Variants in FLRT2 observed in about 807,000 individuals in gnomAD.
The protein encoded by FLRT2 is fibronectin leucine rich transmembrane protein 2.
FLRT2 carries 15 observed loss-of-function variants against 40.0 expected under a neutral mutation model. The observed-to-expected ratio is 0.38, with a 90% CI of 0.25 to 0.58. The LOEUF (loss-of-function observed/expected upper bound fraction) is 0.58. FLRT2 is among the 20% of genes least tolerant of loss of function. The pLI, the probability that FLRT2 is intolerant of heterozygous loss-of-function variation, is 0.71. For synonymous variants in FLRT2, 380 were observed against 336.8 expected, an observed-to-expected ratio of 1.13 and a Z score of -1.41; for missense variants, 726 against 840.0, an observed-to-expected ratio of 0.86 and a Z score of 1.68.
rs777132792 is a variant in FLRT2, at chr14:85,652,024, T to C, written c.*28527T>C. 1 of 151,888 alleles carries C rather than the reference T, an allele frequency of 6.6e-6. No individual in the cohort carries two copies. Among genetic ancestry groups the C allele is most frequent in the Non-Finnish European group, 1.5e-5 (1 of 67,926 alleles). 9.4% of individuals were successfully genotyped at this position (151,888 alleles called of 1,614,324 possible). A position where few individuals can be genotyped will look rare whatever the true frequency, so the allele number is the denominator to read the frequency against. On this transcript the variant is annotated 3_prime_UTR_variant, in exon 2 of 2. Coordinates refer to ENST00000330753, the MANE Select transcript of FLRT2 (RefSeq NM_013231.6). ...TAAAACATGGGACTCAAAACAACAC[T>C]AGGAAAATAGCGTAGATCAGATAAT... is the stretch of plus-strand genomic sequence containing the variant.
At chr14:85,554,253 T>C (rs1889820719) in intron 1 of FLRT2, among the ~76,000 whole-genome samples, 1 of 152,174 alleles carries the variant, frequency 6.6e-6, no homozygotes, top group Admixed American at 6.5e-5. Context: ...GTTTAAATGG[T>C]CTTCCTAAGG....
chr14:85,596,078 T>C (rs1471605145), intron 1 of FLRT2, among the ~76,000 whole-genome samples: 1 of 152,156 alleles, frequency 6.6e-6, no homozygotes, highest in African/African-American at 2.4e-5. Flanking sequence ...ACGGTTCACT[T>C]TTTGACCGTC....
At chr14:85,575,662 C>G (rs1891100457) in intron 1 of FLRT2, among the ~76,000 whole-genome samples, 1 of 151,940 alleles carries the variant, frequency 6.6e-6, no homozygotes, top group Non-Finnish European at 1.5e-5. Context: ...TTCCATAGGG[C>G]AAATGGACTA....
chr14:85,580,532 T>A (rs1891339691), intron 1 of FLRT2, among the ~76,000 whole-genome samples: 1 of 152,228 alleles, frequency 6.6e-6, no homozygotes, highest in Non-Finnish European at 1.5e-5. Flanking sequence ...AAAATCTGGT[T>A]CATAAACCTT....
At chr14:85,610,192 T>A (rs1000262416) in intron 1 of FLRT2, among the ~76,000 whole-genome samples, 1 of 152,154 alleles carries the variant, frequency 6.6e-6, no homozygotes, top group Non-Finnish European at 1.5e-5. Flanking sequence ...TTATTTATAC[T>A]TCCTCTCTTT....
At chr14:85,535,892 G>GTTT (rs71454768) in intron 1 of FLRT2, among the ~76,000 whole-genome samples, 78 of 57,800 alleles carry the variant, frequency 1.3e-3, no homozygotes, top group Admixed American at 2.3e-3. Flanking sequence ...AAGGAATGCT[G>GTTT]TTTTTTTTTT....
intron 1 of FLRT2, among the ~76,000 whole-genome samples, chr14:85,533,980 G>C (rs1282977965): frequency 6.6e-6 from 1 of 152,208 alleles, no homozygotes; most frequent in Non-Finnish European, 1.5e-5. Context: ...AGGAGACCTC[G>C]AGAACCTTTG....
At chr14:85,603,027 T>C (rs1041893630) in intron 1 of FLRT2, among the ~76,000 whole-genome samples, 28 of 152,338 alleles carry the variant, frequency 1.8e-4, no homozygotes, top group African/African-American at 6.3e-4. Context: ...CCCTGTTCTC[T>C]TCAAATCTTT....
At chr14:85,540,826 A>C (rs2139809456) in intron 1 of FLRT2, among the ~76,000 whole-genome samples, 1 of 152,306 alleles carries the variant, frequency 6.6e-6, no homozygotes, top group Non-Finnish European at 1.5e-5. Flanking sequence ...CGGCAAAATT[A>C]ATCTGAATAC....
rs374887875 is a variant in FLRT2 at position 85,645,691 on chromosome 14, A to G, written c.*22194A>G. The G allele has an allele frequency of 6.6e-6, 1 of 152,160 alleles. No homozygotes were observed. The highest frequency in any genetic ancestry group is 2.4e-5 in the African/African-American group (1 of 41,416). The allele number at this position is 152,160 out of a possible 1,614,324, so 9.4% of individuals were successfully genotyped here. On this transcript the variant is annotated 3_prime_UTR_variant, in exon 2 of 2. Transcript: ENST00000330753. ...TCTTCCTAGTTGAGGAATCTTTCAG[A>G]GATTCAGTAGATAAGGTGATCTATT...
At position 85,641,730 on chromosome 14, in the gene FLRT2, A is replaced by C. The variant is rs1477190257; in HGVS notation, c.*18233A>C. 1.3e-5 allele frequency: 2 copies of C among 152,360 alleles called. No individual in the cohort carries two copies. Among genetic ancestry groups the C allele is most frequent in the Middle Eastern group, 3.4e-3 (1 of 294 alleles). 9.4% of individuals were successfully genotyped at this position (152,360 alleles called of 1,614,324 possible). A position where few individuals can be genotyped will look rare whatever the true frequency, so the allele number is the denominator to read the frequency against. On this transcript the variant is annotated 3_prime_UTR_variant, in exon 2 of 2. Coordinates refer to ENST00000330753, the MANE Select transcript of FLRT2 (RefSeq NM_013231.6). ...TTGTTGGATTAAGTATTTGATAATA[A>C]AACTGATTGTGGGTCTACTTACCTA...
intron 1 of FLRT2, among the ~76,000 whole-genome samples, chr14:85,602,469 G>T (rs191727577): frequency 6.6e-6 from 1 of 152,300 alleles, no homozygotes; most frequent in African/African-American, 2.4e-5. Context: ...GAACAAATTG[G>T]AGAAATCAGG....
At chr14:85,550,879 G>A (rs11628988) in intron 1 of FLRT2, among the ~76,000 whole-genome samples, 4 of 151,920 alleles carry the variant, frequency 2.6e-5, no homozygotes, top group Admixed American at 6.6e-5. Flanking sequence ...CTTTATTAGC[G>A]ACCCTTAAAA....
intron 1 of FLRT2, among the ~76,000 whole-genome samples, chr14:85,619,362 G>A (rs1893281901): frequency 6.6e-6 from 1 of 151,976 alleles, no homozygotes; most frequent in Admixed American, 6.6e-5. Context: ...TGAGATTACA[G>A]GTGTAAGCCA....
chr14:85,597,116 C>A (rs772792777), intron 1 of FLRT2, among the ~76,000 whole-genome samples: 2 of 151,946 alleles, frequency 1.3e-5, no homozygotes, highest in Non-Finnish European at 2.9e-5. Context: ...ACAACTTTGG[C>A]GCTTTTGAAC....
chr14:85,566,549 T>TTGTGTGTGTGTG (rs61634735), intron 1 of FLRT2, among the ~76,000 whole-genome samples: 8,637 of 130,812 alleles, frequency 0.066, 368 homozygotes, highest in African/African-American at 0.12. Context: ...ACTTCCATGG[T>TTGTGTGTGTGTG]TGTGTGTGTG....
chr14:85,611,013 A>G (rs1294153642), intron 1 of FLRT2, among the ~76,000 whole-genome samples: 1 of 152,132 alleles, frequency 6.6e-6, no homozygotes, highest in Admixed American at 6.5e-5. Flanking sequence ...CTCCTGCCTC[A>G]GCTTCCAAAG....
chr14:85,601,802 G>C (rs1397003500), intron 1 of FLRT2, among the ~76,000 whole-genome samples: 1 of 152,186 alleles, frequency 6.6e-6, no homozygotes, highest in East Asian at 1.9e-4. Flanking sequence ...TACTGGTAAA[G>C]TCACAGAGAT....
chr14:85,598,695 T>C (rs1892246716), intron 1 of FLRT2, among the ~76,000 whole-genome samples: 1 of 152,172 alleles, frequency 6.6e-6, no homozygotes, highest in East Asian at 1.9e-4. Flanking sequence ...ATTCCTCTTC[T>C]TCCTGTTACG....
Sources: gnomAD v4.1 joint callset for allele counts (sites outside exome capture counted in the v4.1 genomes callset) on GRCh38, gnomAD v4.1.1 for gene constraint, MANE v1.5 for transcripts, NCBI Gene and HGNC (gene_info 2026-07-23, HGNC 2026-07-21) for gene names.